Variants in SUPT3H observed in about 807,000 individuals in gnomAD.
SUPT3H encodes the protein transcription initiation protein SPT3 homolog.
Under a neutral mutation model 44.3 loss-of-function variants are expected in SUPT3H, and 44 were observed. The observed-to-expected ratio is 0.99, with a 90% CI of 0.78 to 1.28. SUPT3H has a LOEUF of 1.28. SUPT3H is among the 50% of genes most tolerant of loss of function. The probability of loss-of-function intolerance (pLI) is 0.00; values close to 1 mark genes in which losing one functional copy is unlikely to be tolerated. For synonymous variants in SUPT3H, 124 were observed against 125.6 expected, an observed-to-expected ratio of 0.99 and a Z score of 0.09; for missense variants, 380 against 387.1, an observed-to-expected ratio of 0.98 and a Z score of 0.15.
At chr6:45,082,839 T>A (rs1020023107) in intron 3 of SUPT3H, among the ~76,000 whole-genome samples, 1 of 152,100 alleles carries the variant, frequency 6.6e-6, no homozygotes, top group Non-Finnish European at 1.5e-5. Context: ...AAATTATCTC[T>A]CTTCAGAGAC....
chr6:45,073,003 T>C (rs1207527587), intron 3 of SUPT3H, among the ~76,000 whole-genome samples: 2 of 152,152 alleles, frequency 1.3e-5, no homozygotes, highest in Non-Finnish European at 2.9e-5. Context: ...CTAAGATTTC[T>C]TGATGTTTTC....
chr6:45,225,294 A>G (rs1488515262), intron 2 of SUPT3H, among the ~76,000 whole-genome samples: 1 of 151,534 alleles, frequency 6.6e-6, no homozygotes, highest in Non-Finnish European at 1.5e-5. Flanking sequence ...AAAAAAAAAA[A>G]AGACAATAAA....
intron 2 of SUPT3H, among the ~76,000 whole-genome samples, chr6:45,158,296 ATATTTTT>A (rs1291672887): frequency 2.8e-5 from 2 of 72,028 alleles, no homozygotes; most frequent in Non-Finnish European, 4.4e-5. Context: ...ATATATATAT[ATATTTTT>A]TTTTTTTTTT....
At chr6:45,268,388 T>C (rs1423049493) in intron 2 of SUPT3H, among the ~76,000 whole-genome samples, 1 of 152,124 alleles carries the variant, frequency 6.6e-6, no homozygotes, top group Non-Finnish European at 1.5e-5. Context: ...CAGATCTGCC[T>C]AAATAGAGTA....
At chr6:45,024,140 C>G (rs1785587555) in intron 3 of SUPT3H, among the ~76,000 whole-genome samples, 1 of 152,000 alleles carries the variant, frequency 6.6e-6, no homozygotes, top group African/African-American at 2.4e-5. Flanking sequence ...AAAATATTAA[C>G]TTGTAACAAC....
chr6:45,109,124 A>C (rs1225228512), intron 2 of SUPT3H, among the ~76,000 whole-genome samples: 1 of 152,156 alleles, frequency 6.6e-6, no homozygotes, highest in Admixed American at 6.5e-5. Context: ...ATGGGAGAGT[A>C]TTTTCTACAG....
intron 10 of SUPT3H, among the ~76,000 whole-genome samples, chr6:44,907,664 T>C (rs566966134): frequency 6.6e-6 from 1 of 152,250 alleles, no homozygotes; most frequent in South Asian, 2.1e-4. Context: ...GGCAACACAG[T>C]GAGACTCTGT....
chr6:45,214,267 G>GA (rs1254888918), intron 2 of SUPT3H, among the ~76,000 whole-genome samples: 2 of 151,480 alleles, frequency 1.3e-5, no homozygotes, highest in Admixed American at 6.6e-5. Flanking sequence ...AAATAACAGA[G>GA]AAAAAAATAA....
intron 2 of SUPT3H, among the ~76,000 whole-genome samples, chr6:45,153,347 T>C (rs903108852): frequency 7.1e-4 from 108 of 152,322 alleles, no homozygotes; most frequent in African/African-American, 2.6e-3. Flanking sequence ...ATAATGTTAG[T>C]TGAATAAATT....
chr6:44,870,077 C>A lies in SUPT3H; in HGVS notation c.913-40220G>T, dbSNP rs143632646. Among the ~76,000 whole-genome samples the A allele has an allele frequency of 6.5e-3, 989 of 152,258 alleles. 12 individuals are homozygous for A. Among genetic ancestry groups the A allele is most frequent in the African/African-American group, 0.022 (934 of 41,538 alleles). ...CTTTTTTTCCCCCAAAGAATTTCAA[C>A]ATTTCTCTTCATTCATCCACTTCCC... On this transcript the variant is annotated intron_variant, in intron 10 of 10. Transcript: ENST00000371459.
chr6:45,155,169 T>C (rs1319451407), intron 2 of SUPT3H, among the ~76,000 whole-genome samples: 3 of 152,182 alleles, frequency 2.0e-5, no homozygotes, highest in Non-Finnish European at 2.9e-5. Flanking sequence ...TCTCATAAAA[T>C]ATTAAGTAGA....
chr6:44,832,281 C>T (rs1425011795), intron 10 of SUPT3H, among the ~76,000 whole-genome samples: 1 of 152,096 alleles, frequency 6.6e-6, no homozygotes, highest in Non-Finnish European at 1.5e-5. Context: ...TTAAACATTG[C>T]TTGGTGTGAG....
intron 10 of SUPT3H, among the ~76,000 whole-genome samples, chr6:44,904,545 C>A (rs941566710): frequency 1.3e-5 from 2 of 152,178 alleles, no homozygotes; most frequent in South Asian, 2.1e-4. Context: ...GAAGAACACT[C>A]CATGCTCATG....
intron 10 of SUPT3H, among the ~76,000 whole-genome samples, chr6:44,837,648 T>C (rs1190419610): frequency 1.3e-5 from 2 of 152,242 alleles, no homozygotes; most frequent in Non-Finnish European, 2.9e-5. Context: ...TTCTTACTGA[T>C]TATCAGTCAA....
chr6:45,105,906 T>TA lies in SUPT3H; in HGVS notation c.186+15_186+16insT. The TA allele has an allele frequency of 6.3e-7, 1 of 1,597,526 alleles. No homozygotes were observed. Among genetic ancestry groups the TA allele is most frequent in the Non-Finnish European group, 8.6e-7 (1 of 1,168,054 alleles). ...TGCAGAGAAGAGAAACCAAATCAAA[T>TA]TATATATGCTCTTACCAGATTAATT... On this transcript the variant is annotated intron_variant, in intron 3 of 10. Transcript: ENST00000371459.
At chr6:44,961,891 C>A in intron 6 of SUPT3H, 63 bp from the exon 7 acceptor site, 1 of 1,298,484 alleles carries the variant, frequency 7.7e-7, no homozygotes. Flanking sequence ...GTTTTCACAG[C>A]TTAAACTTAG....
chr6:44,889,656 A>T (rs1762953821), intron 10 of SUPT3H, among the ~76,000 whole-genome samples: 1 of 152,154 alleles, frequency 6.6e-6, no homozygotes, highest in Non-Finnish European at 1.5e-5. Flanking sequence ...AACCATAAAA[A>T]CCCTAGAAGA....
intron 10 of SUPT3H, among the ~76,000 whole-genome samples, chr6:44,848,918 A>T (rs1772370660): frequency 6.6e-6 from 1 of 152,234 alleles, no homozygotes; most frequent in Non-Finnish European, 1.5e-5. Context: ...TTTGAAGGAA[A>T]TCAGAAGTGA....
downstream of SUPT3H, among the ~76,000 whole-genome samples, chr6:44,826,498 CTG>C (rs1325096726): frequency 2.6e-5 from 4 of 152,094 alleles, no homozygotes; most frequent in South Asian, 6.2e-4. Context: ...ATACAGGAAA[CTG>C]TAAAATATTT....
Sources: allele counts gnomAD v4.1 joint callset (sites outside exome capture counted in the v4.1 genomes callset), GRCh38; gene constraint gnomAD v4.1.1; transcripts MANE v1.5; gene names NCBI Gene and HGNC (gene_info 2026-07-23, HGNC 2026-07-21).